Variants in MCF2 observed in about 807,000 individuals in gnomAD.
The protein encoded by MCF2 is proto-oncogene DBL.
A neutral mutation model predicts 82.5 loss-of-function variants in MCF2; 44 were observed. The observed-to-expected ratio is 0.53, with a 90% CI of 0.42 to 0.69. The LOEUF is 0.69. Ranked by LOEUF, MCF2 falls within the 30% of genes least tolerant of loss-of-function variation. The pLI is 0.00. For missense variants in MCF2, 623 were observed against 663.1 expected (o/e 0.94, Z 0.66); for synonymous variants, 217 against 224.9 (o/e 0.96, Z 0.32).
chrX:139,680,554 T>C (rs894388906), intron 1 of MCF2, among the ~76,000 whole-genome samples: 47 of 111,920 alleles, frequency 4.2e-4, no homozygotes, highest in Non-Finnish European at 8.3e-4. Flanking sequence ...GAAACACTAG[T>C]CCCTGACCAC....
rs1381471086 is a variant in MCF2 at position 139,640,186 on chromosome X, A to C, written c.51+2282T>G. On this transcript the variant is annotated intron_variant, in intron 1 of 24. Transcript: ENST00000370576. ...CCAAAATGGGACAAATAACATTTGA[A>C]ACAAGTTGCTGGAAACAATTTAGCA... Among the ~76,000 whole-genome samples, 3 of 112,078 alleles carry C rather than the reference A, an allele frequency of 2.7e-5. No individual in the cohort carries two copies. The East Asian group carries it at 8.4e-4, about 31-fold the overall frequency.
intron 7 of MCF2, among the ~76,000 whole-genome samples, chrX:139,618,455 A>G (rs192116786): frequency 7.2e-5 from 8 of 111,208 alleles, no homozygotes; most frequent in Non-Finnish European, 1.1e-4. Context: ...AACATTTAAA[A>G]ATGATTAAGA....
At chrX:139,701,851 A>G (rs1935505513) in intron 1 of MCF2, among the ~76,000 whole-genome samples, 1 of 112,795 alleles carries the variant, frequency 8.9e-6, no homozygotes, top group Admixed American at 9.4e-5. Context: ...AACAGACAGA[A>G]GTCACCAAAT....
At chrX:139,617,834 C>A in intron 7 of MCF2, 130 bp from the exon 11 acceptor site, 2 of 313,764 alleles carry the variant, frequency 6.4e-6, no homozygotes, top group Non-Finnish European at 1.1e-5. Context: ...AATTTGATGT[C>A]TACTTCTTCA....
chrX:139,647,972 C>T (rs7058680), intron 2 of MCF2, among the ~76,000 whole-genome samples: 1,233 of 111,914 alleles, frequency 0.011, 12 homozygotes, highest in African/African-American at 0.038. Context: ...ATTAGCTCAG[C>T]AATAGAAATT....
chrX:139,699,074 C>T (rs1358923861), intron 1 of MCF2, among the ~76,000 whole-genome samples: 1 of 111,637 alleles, frequency 9.0e-6, no homozygotes, highest in Non-Finnish European at 1.9e-5. Context: ...TAGATCTAGA[C>T]TGTAAGTTGG....
At chrX:139,651,774 G>A in exon 2 of MCF2, 1 of 1,147,171 alleles carries the variant, frequency 8.7e-7, no homozygotes, top group Non-Finnish European at 1.2e-6. Context: ...TTTATACGGA[G>A]GAGCAGATCG....
chrX:139,591,724 C>T (rs1929532840), intron 19 of MCF2, among the ~76,000 whole-genome samples: 2 of 110,121 alleles, frequency 1.8e-5, no homozygotes, highest in Non-Finnish European at 3.8e-5. Flanking sequence ...ACAACAGACA[C>T]TGGGGACTAC....
At chrX:139,706,312 C>T (rs962740521) in intron 1 of MCF2, among the ~76,000 whole-genome samples, 1 of 112,390 alleles carries the variant, frequency 8.9e-6, no homozygotes, top group Admixed American at 9.4e-5. Context: ...TGGAGTCAAC[C>T]CAGGTTCCCA....
upstream of MCF2, among the ~76,000 whole-genome samples, chrX:139,647,474 T>A (rs905998000): frequency 1.8e-5 from 2 of 111,777 alleles, no homozygotes; most frequent in Non-Finnish European, 3.8e-5. Flanking sequence ...AAATTCAATG[T>A]TCAGCCTGGG....
chrX:139,605,009 C>G (rs1930871784), intron 13 of MCF2, 25 bp from the exon 18 acceptor site: 1 of 875,481 alleles, frequency 1.1e-6, no homozygotes, highest in South Asian at 2.7e-5. Context: ...TACATTCATG[C>G]ATTTTAAAAT....
exon 1 of MCF2, chrX:139,642,599 T>C (rs1933635546): frequency 8.3e-7 from 1 of 1,207,682 alleles, no homozygotes; most frequent in Non-Finnish European, 1.1e-6. Flanking sequence ...TTGGGTAGTA[T>C]TTAAAAACGG....
chrX:139,618,734 C>T (rs999994580), intron 7 of MCF2, among the ~76,000 whole-genome samples: 12 of 111,182 alleles, frequency 1.1e-4, no homozygotes, highest in Admixed American at 3.8e-4. Flanking sequence ...TCTTAAAAAG[C>T]GTGGCCTTGC....
chrX:139,623,416 G>A (rs1396182616), intron 6 of MCF2, among the ~76,000 whole-genome samples: 4 of 111,594 alleles, frequency 3.6e-5, no homozygotes, highest in Non-Finnish European at 7.5e-5. Flanking sequence ...ACAAAATCAT[G>A]TCTTTTGCAG....
At chrX:139,676,905 C>A (rs1934879588) in intron 1 of MCF2, among the ~76,000 whole-genome samples, 1 of 111,273 alleles carries the variant, frequency 9.0e-6, no homozygotes. Flanking sequence ...GTCAGGCAAC[C>A]AACAGGTGAT....
At chrX:139,686,082 A>C (rs1935115725) in intron 1 of MCF2, among the ~76,000 whole-genome samples, 1 of 110,615 alleles carries the variant, frequency 9.0e-6, no homozygotes, top group Non-Finnish European at 1.9e-5. Flanking sequence ...AAAAAAAAAA[A>C]AAACTCTCGA....
At chrX:139,640,524 C>A (rs1434463575) in intron 1 of MCF2, among the ~76,000 whole-genome samples, 1 of 110,950 alleles carries the variant, frequency 9.0e-6, no homozygotes, top group Non-Finnish European at 1.9e-5. Context: ...TATATCTATT[C>A]TCCTCCCCTC....
At chrX:139,651,856 A>C (rs1465406926) in intron 1 of MCF2, 68 bp from the exon 2 acceptor site, 4 of 636,627 alleles carry the variant, frequency 6.3e-6, no homozygotes, top group Non-Finnish European at 7.3e-6. Context: ...TTTTAGACAC[A>C]TGATTTCTCA....
chrX:139,639,306 A>T (rs7058309), intron 1 of MCF2, among the ~76,000 whole-genome samples: 4,311 of 111,750 alleles, frequency 0.039, 227 homozygotes, highest in African/African-American at 0.13. Flanking sequence ...TTGCTTTTTT[A>T]AAAAAATAGT....
Sources: gnomAD v4.1 joint callset for allele counts (sites outside exome capture counted in the v4.1 genomes callset) on GRCh38, gnomAD v4.1.1 for gene constraint, MANE v1.5 for transcripts, NCBI Gene and HGNC (gene_info 2026-07-23, HGNC 2026-07-21) for gene names.